The following MARCHF4 variants were observed in gnomAD, a reference collection of about 807,000 sequenced individuals.
MARCHF4 encodes membrane associated ring-CH-type finger 4, also known as E3 ubiquitin-protein ligase MARCHF4.
In MARCHF4, 14 loss-of-function variants were observed where a neutral mutation model predicts 43.9. The observed-to-expected ratio is 0.32, with a 90% confidence interval of 0.21 to 0.50. The LOEUF is 0.50. MARCHF4 is among the 20% of genes least tolerant of loss of function. The pLI, the probability that MARCHF4 is intolerant of heterozygous loss-of-function variation, is 0.98. For missense variants in MARCHF4, 468 were observed against 536.7 expected (o/e 0.87, Z 1.27); for synonymous variants, 226 against 213.3 (o/e 1.06, Z -0.52).
chr2:216,292,535 T>C (rs1198117223), intron 1 of MARCHF4, among the ~76,000 whole-genome samples: 1 of 152,186 alleles, frequency 6.6e-6, no homozygotes, highest in East Asian at 1.9e-4. Flanking sequence ...TTCTCCAGTG[T>C]CCGTATTAGA....
intron 3 of MARCHF4, among the ~76,000 whole-genome samples, chr2:216,274,711 C>T (rs888411577): frequency 2.0e-5 from 3 of 152,186 alleles, no homozygotes; most frequent in Non-Finnish European, 4.4e-5. Flanking sequence ...CTAGCATTTT[C>T]CCCTGTGGAC....
chr2:216,368,978 A>C (rs1478754649), intron 1 of MARCHF4, among the ~76,000 whole-genome samples: 2 of 152,194 alleles, frequency 1.3e-5, no homozygotes, highest in Admixed American at 1.3e-4. Flanking sequence ...TGGCATCCCT[A>C]TCCTGGATGG....
At chr2:216,305,917 C>A (rs2105952812) in intron 1 of MARCHF4, among the ~76,000 whole-genome samples, 1 of 152,336 alleles carries the variant, frequency 6.6e-6, no homozygotes. Flanking sequence ...TCCCACATAT[C>A]TAATCTAAAC....
At chr2:216,282,863 C>T (rs754853065) in intron 2 of MARCHF4, among the ~76,000 whole-genome samples, 1 of 152,134 alleles carries the variant, frequency 6.6e-6, no homozygotes, top group Non-Finnish European at 1.5e-5. Flanking sequence ...TCTTATTGCT[C>T]TTATTCCCAT....
intron 2 of MARCHF4, among the ~76,000 whole-genome samples, chr2:216,279,668 T>C (rs1691094635): frequency 6.6e-6 from 1 of 152,242 alleles, no homozygotes; most frequent in African/African-American, 2.4e-5. Context: ...GAATTTTAAC[T>C]GTTGGGAAAC....
chr2:216,354,899 CTTTCTTTCTTTCTTTCT>C (rs1692460532), intron 1 of MARCHF4, among the ~76,000 whole-genome samples: 1 of 44,790 alleles, frequency 2.2e-5, no homozygotes, highest in Non-Finnish European at 4.0e-5. Context: ...TGTTTTCTTT[CTTTCTTTCTTTCTTTCT>C]TTCTTTCTTT....
At chr2:216,267,463 C>G (rs1247593755) in intron 3 of MARCHF4, among the ~76,000 whole-genome samples, 5 of 152,134 alleles carry the variant, frequency 3.3e-5, no homozygotes, top group African/African-American at 1.2e-4. Context: ...GCCCAAGGGG[C>G]CTGTGGAGCC....
intron 1 of MARCHF4, among the ~76,000 whole-genome samples, chr2:216,309,269 G>A (rs1376367485): frequency 1.3e-5 from 2 of 152,214 alleles, no homozygotes; most frequent in Non-Finnish European, 2.9e-5. Flanking sequence ...GAATAAGACA[G>A]GTGAAAATTA....
At chr2:216,328,526 C>A (rs1046845826) in intron 1 of MARCHF4, among the ~76,000 whole-genome samples, 3 of 152,186 alleles carry the variant, frequency 2.0e-5, no homozygotes, top group African/African-American at 7.2e-5. Flanking sequence ...ACTGTGACTC[C>A]TGCTACATCC....
chr2:216,333,381 T>G (rs1408930868), intron 1 of MARCHF4, among the ~76,000 whole-genome samples: 2 of 152,210 alleles, frequency 1.3e-5, no homozygotes, highest in East Asian at 3.8e-4. Flanking sequence ...CGAATAAATT[T>G]ATGAAAAAGT....
In MARCHF4 at chr2:216,369,917, A is replaced by G; in HGVS notation, c.344T>C (p.Val115Ala). Residue 115 changes from valine to alanine, a missense_variant, in exon 1 of 4, where the codon GTG becomes GCG. Val to Ala is a moderately conservative substitution (Grantham distance 64). Around this residue, in one of 3 missense-constraint regions of MARCHF4, gnomAD observed 190 missense variants for 158.5 expected, o/e 1.20. Coordinates refer to ENST00000273067, the MANE Select transcript of MARCHF4 (RefSeq NM_020814.3). Reference protein sequence around the residue: ...PPPPPLPPSSVEDDWGGPATE... With the variant: ...PPPPPLPPSSAEDDWGGPATE... ...GGCTGGGCCACCCCAGTCATCTTCC[A>G]CAGAAGAAGGTGGCAAGGGGGGTGG... The G allele has an allele frequency of 6.2e-7, 1 of 1,612,248 alleles. No individual in the cohort carries two copies. The highest frequency in any genetic ancestry group is 2.2e-5 in the East Asian group (1 of 44,832).
chr2:216,262,670 T>A (rs1216404227), intron 3 of MARCHF4, among the ~76,000 whole-genome samples: 1 of 152,096 alleles, frequency 6.6e-6, no homozygotes, highest in East Asian at 1.9e-4. Flanking sequence ...TGGAGTGTGC[T>A]GGAGGAAAAG....
intron 1 of MARCHF4, among the ~76,000 whole-genome samples, chr2:216,335,420 T>C (rs1692142085): frequency 1.3e-5 from 2 of 152,208 alleles, no homozygotes; most frequent in African/African-American, 4.8e-5. Context: ...AACAATTTAA[T>C]GGCTAGAAAT....
At chr2:216,338,801 G>A (rs910975939) in intron 1 of MARCHF4, among the ~76,000 whole-genome samples, 4 of 152,090 alleles carry the variant, frequency 2.6e-5, no homozygotes, top group African/African-American at 2.4e-5. Flanking sequence ...CTTCAAAGAT[G>A]GTAGCCCACA....
intron 1 of MARCHF4, among the ~76,000 whole-genome samples, chr2:216,351,210 G>A (rs961604010): frequency 2.6e-5 from 4 of 152,180 alleles, no homozygotes; most frequent in African/African-American, 4.8e-5. Flanking sequence ...AGACATTACT[G>A]CCACTGGGAG....
chr2:216,263,392 A>G (rs765325931), intron 3 of MARCHF4, among the ~76,000 whole-genome samples: 3 of 151,306 alleles, frequency 2.0e-5, no homozygotes, highest in Non-Finnish European at 4.4e-5. Flanking sequence ...ATGCCACTGC[A>G]CTCCAGCCTG....
At chr2:216,363,860 A>G (rs968200440) in intron 1 of MARCHF4, among the ~76,000 whole-genome samples, 5 of 152,178 alleles carry the variant, frequency 3.3e-5, no homozygotes, top group Non-Finnish European at 4.4e-5. Flanking sequence ...GCCATGTAAC[A>G]TGTTTACTGG....
chr2:216,321,452 C>G (rs758475244), intron 1 of MARCHF4: 7 of 152,142 alleles, frequency 4.6e-5, no homozygotes, highest in Non-Finnish European at 7.3e-5. Context: ...TTGGTCGGTC[C>G]TTGAAGGAAT....
At chr2:216,313,864 C>G (rs1414451249) in intron 1 of MARCHF4, among the ~76,000 whole-genome samples, 1 of 152,170 alleles carries the variant, frequency 6.6e-6, no homozygotes, top group Admixed American at 6.5e-5. Context: ...TAAGGATCCA[C>G]TCTAGGCTAA....
Sources: gnomAD v4.1 joint callset for allele counts (sites outside exome capture counted in the v4.1 genomes callset) on GRCh38, gnomAD v4.1.1 for gene constraint, gnomAD v4.1.1 regional missense constraint, MANE v1.5 for transcripts, NCBI Gene and HGNC (gene_info 2026-07-23, HGNC 2026-07-21) for gene names.